GP6: variants seen among roughly 807,000 people sequenced by gnomAD.
GP6 encodes glycoprotein VI platelet.
A neutral mutation model predicts 37.3 loss-of-function variants in GP6; 45 were observed. The ratio of observed to expected loss-of-function variants is 1.21; its 90% CI spans 0.95 to 1.55. The LOEUF (loss-of-function observed/expected upper bound fraction) is 1.55. GP6 is among the 40% of genes most tolerant of loss of function. The pLI is 0.00. For synonymous variants in GP6, 340 were observed against 316.4 expected (o/e 1.07, Z -0.79); for missense variants, 813 against 760.2 (o/e 1.07, Z -0.82).
intron 1 of GP6, 100 bp from the exon 2 acceptor site, chr19:55,032,638 T>C: frequency 8.3e-7 from 1 of 1,205,622 alleles, no homozygotes; most frequent in Admixed American, 1.9e-5. Flanking sequence ...TATGCTTTAC[T>C]CTGTCCTAAT....
At position 55,032,347 on chromosome 19, in the gene GP6, G is replaced by A; in HGVS notation, c.117C>T (p.Pro39=). Residue 39 remains proline (P), a synonymous_variant, in exon 3 of 8, where the codon CCC becomes CCT. Coordinates refer to ENST00000310373, the MANE Select transcript of GP6 (RefSeq NM_001083899.2). ...ACCGGAGGGTCACTGGCTTCTCCAG[G>A]GGCACCAGGGAGCTGGGCAGAGCCT... is the stretch of plus-strand genomic sequence containing the variant. 4 of 1,613,968 alleles carry A rather than the reference G, an allele frequency of 2.5e-6. No individual in the cohort carries two copies. The highest frequency in any genetic ancestry group is 3.4e-6 in the Non-Finnish European group (4 of 1,179,958).
intron 3 of GP6, among the ~76,000 whole-genome samples, chr19:55,028,440 A>G (rs2074392360): frequency 6.6e-6 from 1 of 152,114 alleles, no homozygotes; most frequent in Non-Finnish European, 1.5e-5. Context: ...AATTTGTCCA[A>G]CTCTAGGTAA....
chr19:55,026,743 G>A (rs4500877), intron 4 of GP6, among the ~76,000 whole-genome samples: 114,862 of 151,434 alleles, frequency 0.76, 44,348 homozygotes, highest in Middle Eastern at 0.84. Flanking sequence ...AAAATTGGCC[G>A]GGCATGGTGG....
chr19:55,028,915 G>T (rs112777137), intron 3 of GP6, among the ~76,000 whole-genome samples: 1 of 151,956 alleles, frequency 6.6e-6, no homozygotes, highest in Non-Finnish European at 1.5e-5. Context: ...TGGGAGGATC[G>T]CTTGAGCCCA....
At position 55,027,882 on chromosome 19, in the gene GP6, T is replaced by C. The variant is rs2074373260; in HGVS notation, c.326-20A>G. On this transcript the variant is annotated intron_variant, in intron 3 of 7. Transcript: ENST00000310373. Reference sequence around the variant, plus strand: ...AAACTCCTGGGAGAAAAAGAAAGTCTGATGTTGAAGGCAGGAGCCAGCATC... The same window carrying C: ...AAACTCCTGGGAGAAAAAGAAAGTCCGATGTTGAAGGCAGGAGCCAGCATC... 6.2e-7 allele frequency: 1 copy of C among 1,613,404 alleles called. No individual in the cohort carries two copies. Among genetic ancestry groups the C allele is most frequent in the Non-Finnish European group, 8.5e-7 (1 of 1,179,462 alleles).
rs779914827 is a variant in GP6, at chr19:55,014,866, C to A, written c.1079G>T (p.Arg360Leu). Residue 360 changes from arginine to leucine, a missense_variant, in exon 8 of 8, where the codon CGA becomes CTA. Arg to Leu is a moderately radical substitution (Grantham distance 102). Transcript: ENST00000310373. ...GCTCCACACACGCCAGTCTTTGAGT[C>A]GCCTCCCATGCCATGATCCCTCCCT... is the stretch of plus-strand genomic sequence containing the variant. The A allele has an allele frequency of 6.2e-7, 1 of 1,614,032 alleles. No homozygotes were observed. Among genetic ancestry groups the A allele is most frequent in the Non-Finnish European group, 8.5e-7 (1 of 1,180,024 alleles).
intron 6 of GP6, among the ~76,000 whole-genome samples, chr19:55,018,280 A>G (rs2073948574): frequency 6.6e-6 from 1 of 152,226 alleles, no homozygotes. Flanking sequence ...TGCTGTGTCC[A>G]GGTGCCTACA....
At chr19:55,034,866 C>T (rs550402657) in intron 1 of GP6, among the ~76,000 whole-genome samples, 1 of 152,258 alleles carries the variant, frequency 6.6e-6, no homozygotes, top group East Asian at 1.9e-4. Flanking sequence ...ACTCTGAGCT[C>T]AGAGAGTGAC....
At position 55,027,609 on chromosome 19, in the gene GP6, G is replaced by T. The variant is rs1474483580; in HGVS notation, c.579C>A (p.Ala193=). The T allele has an allele frequency of 2.5e-6, 4 of 1,613,292 alleles. No homozygotes were observed. The highest frequency in any genetic ancestry group is 3.4e-6 in the Non-Finnish European group (4 of 1,179,400). Residue 193 remains alanine, a synonymous_variant, in exon 4 of 8, where the codon GCC becomes GCA. Transcript: ENST00000310373. Reference sequence around the variant, plus strand: ...CCACAAGCTCCAGGGGGTCGCTGGGGGCTGACCACAGGTATGGGTCCCTGC... The same window carrying T: ...CCACAAGCTCCAGGGGGTCGCTGGGTGCTGACCACAGGTATGGGTCCCTGC...
Position 55,032,342 on chromosome 19 carries a change from TC to T in GP6, c.121del (p.Glu41ArgfsTer4). On this transcript the variant is annotated frameshift_variant, in exon 3 of 8. Transcript: ENST00000310373. LOFTEE classifies it high-confidence loss of function. ...CTGGCACCGGAGGGTCACTGGCTTCTCCAGGGGCACCAGGGAGCTGGGCAGA... is the reference window on the plus strand; with the variant it reads ...CTGGCACCGGAGGGTCACTGGCTTCTCAGGGGCACCAGGGAGCTGGGCAGA... 6.2e-7 allele frequency: 1 copy of T among 1,614,002 alleles called. No homozygotes were observed. Among genetic ancestry groups the T allele is most frequent in the Non-Finnish European group, 8.5e-7 (1 of 1,179,972 alleles).
At chr19:55,017,446 A>G (rs2073917367) in intron 6 of GP6, among the ~76,000 whole-genome samples, 1 of 152,078 alleles carries the variant, frequency 6.6e-6, no homozygotes, top group South Asian at 2.1e-4. Flanking sequence ...CCCACAAGAC[A>G]CTGAGCGAGA....
chr19:55,036,863 T>G (rs2074848926), intron 1 of GP6, among the ~76,000 whole-genome samples: 1 of 151,936 alleles, frequency 6.6e-6, no homozygotes, highest in African/African-American at 2.4e-5. Context: ...ATACAATAAT[T>G]AGCCAGACCT....
intron 7 of GP6, 130 bp downstream of exon 7, chr19:55,015,553 A>C: frequency 1.4e-6 from 1 of 722,852 alleles, no homozygotes; most frequent in Non-Finnish European, 2.6e-6. Context: ...CCATACGCTG[A>C]TATTCTGCCT....
rs2074150379 is a variant in GP6, at chr19:55,023,341, A to C, written c.664+1877T>G. Among the ~76,000 whole-genome samples the C allele has an allele frequency of 2.0e-5, 3 of 152,176 alleles. No homozygotes were observed. In the South Asian group the frequency reaches 6.2e-4, roughly 32 times the overall value. On this transcript the variant is annotated intron_variant, in intron 5 of 7. Coordinates refer to ENST00000310373, the MANE Select transcript of GP6 (RefSeq NM_001083899.2). ...GCATGCCATGTGATACAGTTTGAAT[A>C]TGTGTTCCCACCAAATCTCATACTG... is the stretch of plus-strand genomic sequence containing the variant.
At position 55,032,530 on chromosome 19, in the gene GP6, G is replaced by T; in HGVS notation, c.43C>A (p.Leu15Met). The change falls in exon 2 of 8, where the codon CTG (leucine) becomes ATG (methionine). Residue 15 changes from leucine (L) to methionine (M), a missense_variant. By Grantham distance (15) the Leu-to-Met change is conservative. Coordinates refer to ENST00000310373, the MANE Select transcript of GP6 (RefSeq NM_001083899.2). ...CCACTCTGCGCTGGCACACGCCCCA[G>T]ACACAGCCCTGAGGAAAGAAGAAAG... 1 of 1,613,796 alleles carries T rather than the reference G, an allele frequency of 6.2e-7. No homozygotes were observed. The highest frequency in any genetic ancestry group is 1.7e-5 in the Admixed American group (1 of 60,014).
chr19:55,031,987 T>A, intron 3 of GP6, 152 bp downstream of exon 3: 1 of 783,466 alleles, frequency 1.3e-6, no homozygotes, highest in South Asian at 1.5e-5. Flanking sequence ...AAACAAAATA[T>A]TATTCACATT....
chr19:55,021,087 G>A (rs1477298734), intron 5 of GP6, among the ~76,000 whole-genome samples: 21 of 140,470 alleles, frequency 1.5e-4, no homozygotes, highest in Admixed American at 1.4e-3. Flanking sequence ...GCCCTGGTGC[G>A]GTGGCTCACG....
Position 55,014,354 on chromosome 19 carries a change from G to A in GP6, c.1591C>T (p.Leu531Phe). 1.2e-6 allele frequency: 2 copies of A among 1,611,016 alleles called. No individual in the cohort carries two copies. Among genetic ancestry groups the A allele is most frequent in the Non-Finnish European group, 1.7e-6 (2 of 1,177,472 alleles). Residue 531 changes from leucine to phenylalanine, a missense_variant, in exon 8 of 8, where the codon CTT (leucine) becomes TTT (phenylalanine). Transcript: ENST00000310373. ...ATCTTGTTTTCTAATGTGAAGGGAA[G>A]CGGGCAACGTGCTAGTTTTACACTA... is the stretch of plus-strand genomic sequence containing the variant.
Position 55,014,654 on chromosome 19 carries a change from TC to T in GP6, c.1290del (p.Met430IlefsTer18). ...TATGTGGTCCAGCCAGGGTACCATG[TC>T]ATCCACAGTGTGCAGGGAGGAGGAT... On this transcript the variant is annotated frameshift_variant, in exon 8 of 8. Transcript: ENST00000310373. LOFTEE classifies it low-confidence loss of function (END_TRUNC). The T allele has an allele frequency of 1.2e-6, 2 of 1,614,100 alleles. No individual in the cohort carries two copies. The highest frequency in any genetic ancestry group is 1.7e-6 in the Non-Finnish European group (2 of 1,179,976).
Sources: gnomAD v4.1 joint callset for allele counts (sites outside exome capture counted in the v4.1 genomes callset) on GRCh38, gnomAD v4.1.1 for gene constraint, MANE v1.5 for transcripts, NCBI Gene and HGNC (gene_info 2026-07-23, HGNC 2026-07-21) for gene names.